The following ZBTB46 variants were observed in gnomAD, a reference collection of about 807,000 sequenced individuals.
ZBTB46 encodes the protein zinc finger and BTB domain-containing protein 46.
A neutral mutation model predicts 44.1 loss-of-function variants in ZBTB46; 8 were observed. The ratio of observed to expected loss-of-function variants is 0.18; its 90% CI spans 0.11 to 0.33. The LOEUF is 0.33. ZBTB46 is among the 10% of genes least tolerant of loss of function. The probability of loss-of-function intolerance (pLI) is 1.00; values close to 1 mark genes in which losing one functional copy is unlikely to be tolerated. For synonymous variants in ZBTB46, 409 were observed against 382.3 expected (o/e 1.07, Z -0.81); for missense variants, 651 against 847.7 (o/e 0.77, Z 2.88).
chr20:63,802,525 A>T (rs2092654149), intron 1 of ZBTB46, among the ~76,000 whole-genome samples: 1 of 152,084 alleles, frequency 6.6e-6, no homozygotes, highest in Admixed American at 6.6e-5. Context: ...GCAGCGGCGG[A>T]GGCCCCGGCA....
chr20:63,791,063 T>TAC, intron 1 of ZBTB46: 1 of 344,428 alleles, frequency 2.9e-6, no homozygotes, highest in Non-Finnish European at 5.3e-6. Flanking sequence ...GAATCCCACA[T>TAC]ACGGCAACTG....
intron 1 of ZBTB46, among the ~76,000 whole-genome samples, chr20:63,823,858 T>TTTGTGTGTGTGTGTGTGTGTGTG (rs144086739): frequency 2.1e-5 from 3 of 144,718 alleles, no homozygotes; most frequent in Non-Finnish European, 4.5e-5. Context: ...TCTAGGAACC[T>TTTGTGTGTGTGTGTGTGTGTGTG]TGTGTGTGTG....
chr20:63,803,497 C>T lies in ZBTB46; in HGVS notation c.-33-12707G>A. The T allele has an allele frequency of 2.0e-6, 2 of 985,280 alleles. No homozygotes were observed. Among genetic ancestry groups the T allele is most frequent in the Non-Finnish European group, 2.4e-6 (2 of 829,894 alleles). 61.0% of individuals were successfully genotyped at this position (985,280 alleles called of 1,614,324 possible). A position where few individuals can be genotyped will look rare whatever the true frequency, so the allele number is the denominator to read the frequency against. ...GCTGGCGATGAGGACTTTAGGTTTT[C>T]CACATGGCAGCCCCCATGTGGCCAT... is the stretch of plus-strand genomic sequence containing the variant. On this transcript the variant is annotated intron_variant, in intron 1 of 4. Transcript: ENST00000245663. This position sits in a 1 kb window ranked among gnomAD's most constrained non-coding sequence, Gnocchi z 4.0.
At chr20:63,756,934 G>A (rs2092225798) in intron 3 of ZBTB46, among the ~76,000 whole-genome samples, 1 of 152,224 alleles carries the variant, frequency 6.6e-6, no homozygotes, top group Non-Finnish European at 1.5e-5. Flanking sequence ...GAGATCTGAT[G>A]GCTCTTACAT....
chr20:63,771,124 T>C (rs1256560267), intron 3 of ZBTB46, among the ~76,000 whole-genome samples: 2 of 152,120 alleles, frequency 1.3e-5, no homozygotes, highest in Non-Finnish European at 2.9e-5. Flanking sequence ...GAGTTGAAGC[T>C]GCGTTCCTCC....
Position 63,769,387 on chromosome 20 carries a change from G to A in ZBTB46, c.1222+6291C>T, listed in dbSNP as rs112393717. The A allele has an allele frequency of 1.2e-4, 117 of 985,408 alleles. 1 individual carries two copies. The African/African-American group carries it at 1.9e-3, about 16-fold the overall frequency. 61.0% of individuals were successfully genotyped at this position (985,408 alleles called of 1,614,324 possible). A position where few individuals can be genotyped will look rare whatever the true frequency, so the allele number is the denominator to read the frequency against. ...ACCCTCACAAGGGACCCAGGCCCTG[G>A]GAACACAGGAAAGGAGGAGTCTCAC... On this transcript the variant is annotated intron_variant, in intron 3 of 4. Transcript: ENST00000245663.
At chr20:63,805,658 T>G (rs1231788542) in intron 1 of ZBTB46, among the ~76,000 whole-genome samples, 1 of 152,004 alleles carries the variant, frequency 6.6e-6, no homozygotes, top group East Asian at 1.9e-4. Flanking sequence ...ACTCTGGAAC[T>G]GAGAGGAGAC....
chr20:63,806,794 T>G (rs4809350), intron 1 of ZBTB46, among the ~76,000 whole-genome samples: 27,140 of 150,936 alleles, frequency 0.18, 2,925 homozygotes, highest in East Asian at 0.45. Context: ...TTTTGGTTTT[T>G]TTTTTTGAGA....
intron 1 of ZBTB46, among the ~76,000 whole-genome samples, chr20:63,815,353 GCAGGTGCAGTGGGTA>G (rs2092743088): frequency 6.6e-6 from 1 of 150,492 alleles, no homozygotes; most frequent in African/African-American, 2.5e-5. Flanking sequence ...TGCAGTAGGT[GCAGGTGCAGTGGGTA>G]CAGGTGGGCA....
intron 1 of ZBTB46, among the ~76,000 whole-genome samples, chr20:63,830,124 C>A (rs1340822785): frequency 1.3e-5 from 2 of 152,246 alleles, no homozygotes; most frequent in South Asian, 2.1e-4. Context: ...CAGAAAATAT[C>A]CGTTCTTCGC....
At chr20:63,783,956 G>T (rs559227513) in intron 2 of ZBTB46, among the ~76,000 whole-genome samples, 75 of 152,326 alleles carry the variant, frequency 4.9e-4, no homozygotes, top group Non-Finnish European at 9.7e-4. Flanking sequence ...CTCACATTCC[G>T]TCGGGCACCA....
At chr20:63,792,314 T>C (rs1043027150) in intron 1 of ZBTB46, among the ~76,000 whole-genome samples, 5 of 152,158 alleles carry the variant, frequency 3.3e-5, no homozygotes, top group Admixed American at 2.6e-4. Flanking sequence ...ATAAGTCAAG[T>C]AGGACTCACC....
intron 1 of ZBTB46, among the ~76,000 whole-genome samples, chr20:63,811,479 A>C (rs1440600648): frequency 6.6e-6 from 1 of 152,166 alleles, no homozygotes; most frequent in Non-Finnish European, 1.5e-5. Context: ...GAAGGATACG[A>C]CTGTCACCTC....
intron 3 of ZBTB46, among the ~76,000 whole-genome samples, chr20:63,757,698 C>T (rs1260728306): frequency 6.6e-6 from 1 of 152,136 alleles, no homozygotes; most frequent in African/African-American, 2.4e-5. Context: ...TTTCTGATGC[C>T]CTGACATCTG....
At chr20:63,782,253 G>A (rs555643432) in intron 2 of ZBTB46, among the ~76,000 whole-genome samples, 26 of 151,902 alleles carry the variant, frequency 1.7e-4, no homozygotes, top group African/African-American at 6.0e-4. Context: ...GACCTGATTC[G>A]GTTCAGGATC....
At chr20:63,775,445 G>A (rs998950768) in intron 3 of ZBTB46, 3 of 459,774 alleles carry the variant, frequency 6.5e-6, no homozygotes, top group East Asian at 6.9e-5. Context: ...TCCCCTGCCC[G>A]CCGCGCTCAC....
chr20:63,800,452 C>T (rs2092634848), intron 1 of ZBTB46, among the ~76,000 whole-genome samples: 1 of 152,250 alleles, frequency 6.6e-6, no homozygotes, highest in African/African-American at 2.4e-5. Flanking sequence ...CCTCAGCGCC[C>T]ACTCTGGCTG....
At chr20:63,827,213 C>A (rs993082091) in intron 1 of ZBTB46, among the ~76,000 whole-genome samples, 2 of 152,242 alleles carry the variant, frequency 1.3e-5, no homozygotes, top group Non-Finnish European at 2.9e-5. Flanking sequence ...ACCAACCTGG[C>A]CCAAAGTCTG....
chr20:63,820,823 G>A (rs1197712390), intron 1 of ZBTB46, among the ~76,000 whole-genome samples: 1 of 150,886 alleles, frequency 6.6e-6, no homozygotes, highest in Non-Finnish European at 1.5e-5. Flanking sequence ...CTGCTTCCCA[G>A]GTTCAAGCGA....
Sources: allele counts gnomAD v4.1 joint callset (sites outside exome capture counted in the v4.1 genomes callset), GRCh38; gene constraint gnomAD v4.1.1; non-coding constraint Gnocchi (gnomAD v3.1); transcripts MANE v1.5; gene names NCBI Gene and HGNC (gene_info 2026-07-23, HGNC 2026-07-21).